The following SPINK2 variants were observed in gnomAD, a reference collection of about 807,000 sequenced individuals.
The protein encoded by SPINK2 is serine peptidase inhibitor Kazal type 2.
A neutral mutation model predicts 13.5 loss-of-function variants in SPINK2; 8 were observed. The observed-to-expected ratio is 0.59, with a 90% CI of 0.35 to 1.07. The LOEUF (loss-of-function observed/expected upper bound fraction) is 1.07. SPINK2 is among the 50% of genes least tolerant of loss of function. The pLI, the probability that SPINK2 is intolerant of heterozygous loss-of-function variation, is 0.02. For synonymous variants in SPINK2, 76 were observed against 74.7 expected (o/e 1.02, Z -0.09); for missense variants, 148 against 180.3 (o/e 0.82, Z 1.03).
intron 2 of SPINK2, chr4:56,818,450 G>C (rs767822880): frequency 6.6e-6 from 1 of 152,216 alleles, no homozygotes; most frequent in Non-Finnish European, 1.5e-5. Context: ...TGTGAGGTCA[G>C]GAGTTCAAGA....
At chr4:56,813,267 G>A (rs1717148509) in intron 2 of SPINK2, among the ~76,000 whole-genome samples, 1 of 152,174 alleles carries the variant, frequency 6.6e-6, no homozygotes, top group Non-Finnish European at 1.5e-5. Context: ...AGGTTGCAGT[G>A]AGCCGAGATT....
intron 2 of SPINK2, among the ~76,000 whole-genome samples, chr4:56,818,976 A>G (rs942970387): frequency 1.1e-4 from 16 of 152,216 alleles, no homozygotes; most frequent in African/African-American, 3.9e-4. Flanking sequence ...TAATGTTGTG[A>G]CAGGGTAGAG....
At position 56,810,179 on chromosome 4, in the gene SPINK2, C is replaced by T; in HGVS notation, c.365G>A (p.Gly122Asp). Residue 122 changes from glycine to aspartate, a missense_variant, in exon 4 of 4, where the codon GGT becomes GAT. Gly to Asp is a moderately conservative substitution (Grantham distance 94, BLOSUM62 -1). Transcript: ENST00000506738. ...ECTLCMKIRE[G>D]GHNIKIIRNG... Reference sequence around the variant, plus strand: ...TCGAATGATTTTAATATTATGACCACCTTCCCTGCAAATTGAACAATCATA... The same window carrying T: ...TCGAATGATTTTAATATTATGACCATCTTCCCTGCAAATTGAACAATCATA... 6.2e-7 allele frequency: 1 copy of T among 1,607,924 alleles called. No individual in the cohort carries two copies. Among genetic ancestry groups the T allele is most frequent in the East Asian group, 2.2e-5 (1 of 44,832 alleles).
rs564911881 is a variant in SPINK2, at chr4:56,813,882, G to C, written c.250-2088C>G. Among the ~76,000 whole-genome samples, 24 of 149,012 alleles carry C rather than the reference G, an allele frequency of 1.6e-4. No homozygotes were observed. The South Asian group carries it at 5.1e-3, about 32-fold the overall frequency. On this transcript the variant is annotated intron_variant, in intron 2 of 3. Coordinates refer to ENST00000506738, the MANE Select transcript of SPINK2 (RefSeq NM_001271718.2). ...GATCTGCCCGCCTCAGCCTCCCAAAGTGCTGGGATTACAGGCATGAGCCAC... is the reference window on the plus strand; with the variant it reads ...GATCTGCCCGCCTCAGCCTCCCAAACTGCTGGGATTACAGGCATGAGCCAC...
At chr4:56,820,008 C>A (rs1717799840) in intron 2 of SPINK2, among the ~76,000 whole-genome samples, 1 of 152,300 alleles carries the variant, frequency 6.6e-6, no homozygotes, top group Admixed American at 6.5e-5. Context: ...CAAATACACA[C>A]CCCTAACCCA....
chr4:56,817,641 G>A (rs1480396717), intron 2 of SPINK2, among the ~76,000 whole-genome samples: 2 of 13,752 alleles, frequency 1.5e-4, no homozygotes, highest in Non-Finnish European at 2.2e-4. Context: ...ACCTGAGGTC[G>A]TCAGGAGTTT....
At chr4:56,821,869 A>T, upstream of SPINK2, 1 of 293,630 alleles carries the variant, frequency 3.4e-6, no homozygotes, top group Non-Finnish European at 6.1e-6. Context: ...AGAACCGGAA[A>T]GGGCTGGGAA....
chr4:56,817,512 A>G (rs1226258519), intron 2 of SPINK2, among the ~76,000 whole-genome samples: 1 of 152,184 alleles, frequency 6.6e-6, no homozygotes, highest in Non-Finnish European at 1.5e-5. Context: ...AAGAAAAAAA[A>G]GGTTGGAGGA....
chr4:56,819,265 G>A (rs754434861), intron 2 of SPINK2, among the ~76,000 whole-genome samples: 5 of 152,084 alleles, frequency 3.3e-5, no homozygotes, highest in African/African-American at 9.7e-5. Flanking sequence ...AGGGAATCGC[G>A]TGGGAAGGCT....
At chr4:56,820,383 T>A (rs1194046969) in intron 2 of SPINK2, among the ~76,000 whole-genome samples, 153 bp downstream of exon 2, 1 of 152,206 alleles carries the variant, frequency 6.6e-6, no homozygotes, top group East Asian at 1.9e-4. Context: ...TACACTTTTA[T>A]CTGAATCAAA....
At chr4:56,810,943 A>G (rs1338739060) in intron 3 of SPINK2, among the ~76,000 whole-genome samples, 1 of 152,120 alleles carries the variant, frequency 6.6e-6, no homozygotes, top group South Asian at 2.1e-4. Flanking sequence ...CATGAAGCAT[A>G]TCAAGTATCA....
chr4:56,813,794 T>C (rs573235387), intron 2 of SPINK2, among the ~76,000 whole-genome samples: 2 of 152,026 alleles, frequency 1.3e-5, no homozygotes, highest in Non-Finnish European at 2.9e-5. Flanking sequence ...AATTTTTGTA[T>C]TTTTAGTAGA....
chr4:56,821,516 G>T lies in SPINK2; in HGVS notation c.147C>A (p.Gly49=). 6.5e-7 allele frequency: 1 copy of T among 1,541,838 alleles called. No individual in the cohort carries two copies. Among genetic ancestry groups the T allele is most frequent in the Non-Finnish European group, 8.7e-7 (1 of 1,145,858 alleles). ...QTGGGPCPAP[G]GLGDGTRAPV... Reference sequence around the variant, plus strand: ...GCGCGCGGGTACCGTCGCCGAGGCCGCCCGGAGCAGGGCAGGGTCCGCCGC... The same window carrying T: ...GCGCGCGGGTACCGTCGCCGAGGCCTCCCGGAGCAGGGCAGGGTCCGCCGC... The change falls in exon 1 of 4, where the codon GGC becomes GGA. Residue 49 remains glycine, a synonymous_variant. Coordinates refer to ENST00000506738, the MANE Select transcript of SPINK2 (RefSeq NM_001271718.2).
chr4:56,816,157 TCAATATATA>T (rs1717432601), intron 2 of SPINK2, among the ~76,000 whole-genome samples: 1 of 152,070 alleles, frequency 6.6e-6, no homozygotes, highest in African/African-American at 2.4e-5. Flanking sequence ...AGATACAAGA[TCAATATATA>T]AAACTCAATT....
At chr4:56,813,046 G>A (rs971702162) in intron 2 of SPINK2, among the ~76,000 whole-genome samples, 3 of 152,188 alleles carry the variant, frequency 2.0e-5, no homozygotes, top group Non-Finnish European at 4.4e-5. Context: ...GAAGAGCGGA[G>A]CGTGGTGGCT....
chr4:56,810,313 C>T (rs907489362), intron 3 of SPINK2, 129 bp from the exon 4 acceptor site: 1 of 804,152 alleles, frequency 1.2e-6, no homozygotes, highest in Non-Finnish European at 1.9e-6. Context: ...CTTATTTAAT[C>T]ATTTTTTAAG....
chr4:56,820,889 A>G (rs1578440664), intron 1 of SPINK2, among the ~76,000 whole-genome samples: 1 of 152,284 alleles, frequency 6.6e-6, no homozygotes, highest in East Asian at 1.9e-4. Context: ...AAGGATATTC[A>G]GTTTTTTATG....
At chr4:56,820,141 A>G (rs943063276) in intron 2 of SPINK2, among the ~76,000 whole-genome samples, 1 of 151,836 alleles carries the variant, frequency 6.6e-6, no homozygotes, top group African/African-American at 2.4e-5. Flanking sequence ...CCTCTCTTTG[A>G]CTCGAGTCCC....
At chr4:56,814,974 A>G (rs1217116119) in intron 2 of SPINK2, among the ~76,000 whole-genome samples, 1 of 151,128 alleles carries the variant, frequency 6.6e-6, no homozygotes, top group Admixed American at 6.6e-5. Context: ...AAAAAAAAAA[A>G]AAAAAAAAAC....
Sources: gnomAD v4.1 joint callset for allele counts (sites outside exome capture counted in the v4.1 genomes callset) on GRCh38, gnomAD v4.1.1 for gene constraint, MANE v1.5 for transcripts, NCBI Gene and HGNC (gene_info 2026-07-23, HGNC 2026-07-21) for gene names.